GCNT2: variants seen among roughly 807,000 people sequenced by gnomAD.
GCNT2 encodes N-acetyllactosaminide beta-1,6-N-acetylglucosaminyl-transferase.
In GCNT2, 34 loss-of-function variants were observed where a neutral mutation model predicts 34.2. The ratio of observed to expected loss-of-function variants is 1.00; its 90% CI spans 0.76 to 1.32. The LOEUF (loss-of-function observed/expected upper bound fraction) is 1.32. Ranked by LOEUF, GCNT2 falls within the 40% of genes most tolerant of loss-of-function variation. The pLI, the probability that GCNT2 is intolerant of heterozygous loss-of-function variation, is 0.00. For missense variants in GCNT2, 584 were observed against 489.4 expected, an observed-to-expected ratio of 1.19 and a Z score of -1.82; for synonymous variants, 212 against 188.0, an observed-to-expected ratio of 1.13 and a Z score of -1.04.
intron 3 of GCNT2, among the ~76,000 whole-genome samples, chr6:10,549,133 G>T (rs1429539104): frequency 6.6e-6 from 1 of 152,114 alleles, no homozygotes; most frequent in Admixed American, 6.6e-5. Context: ...AGAGGCCAGG[G>T]GTGCCCCTCA....
chr6:10,623,533 A>C (rs1415625781), intron 4 of GCNT2, among the ~76,000 whole-genome samples: 1 of 151,246 alleles, frequency 6.6e-6, no homozygotes, highest in Non-Finnish European at 1.5e-5. Flanking sequence ...CTTATGATCC[A>C]CCTGCGTCGG....
At chr6:10,602,772 G>C (rs1049342371) in intron 3 of GCNT2, among the ~76,000 whole-genome samples, 2 of 152,152 alleles carry the variant, frequency 1.3e-5, no homozygotes, top group Non-Finnish European at 2.9e-5. Flanking sequence ...GGTGCAGCCT[G>C]GTGCCTTGTT....
At chr6:10,626,123 C>T (rs1454764247) in intron 4 of GCNT2, among the ~76,000 whole-genome samples, 1 of 152,134 alleles carries the variant, frequency 6.6e-6, no homozygotes, top group Non-Finnish European at 1.5e-5. Flanking sequence ...ACACAATTTT[C>T]ATATTAATTT....
chr6:10,608,593 G>A (rs1217434546), intron 3 of GCNT2, among the ~76,000 whole-genome samples: 1 of 152,164 alleles, frequency 6.6e-6, no homozygotes, highest in Non-Finnish European at 1.5e-5. Context: ...TAGCCACTCA[G>A]GAGGGTGACA....
rs1367345064 is a variant in GCNT2 at position 10,549,578 on chromosome 6, T to C, written c.925+19742T>C. On this transcript the variant is annotated intron_variant, in intron 3 of 4. Coordinates refer to ENST00000495262, the MANE Select transcript of GCNT2 (RefSeq NM_145649.5). ...ATCTCTCTCTCTTTTTTTTTTTTTT[T>C]TTTTTTTTTTTGAGACAGGGTCTCG... 7.0e-5 allele frequency among the ~76,000 whole-genome samples: 10 copies of C among 142,924 alleles called. No individual in the cohort carries two copies. In the South Asian group the frequency reaches 1.2e-3, roughly 17 times the overall value. 93.8% of individuals were successfully genotyped at this position (142,924 alleles called of 152,430 possible).
intron 4 of GCNT2, among the ~76,000 whole-genome samples, chr6:10,624,097 C>T (rs1245600523): frequency 6.6e-6 from 1 of 152,188 alleles, no homozygotes; most frequent in African/African-American, 2.4e-5. Flanking sequence ...CATCTACCTT[C>T]AGCTAGGCCT....
At chr6:10,559,177 A>G (rs1463600935) in intron 3 of GCNT2, among the ~76,000 whole-genome samples, 1 of 152,110 alleles carries the variant, frequency 6.6e-6, no homozygotes. Context: ...ATGTCAAATA[A>G]TATAAGAAAA....
chr6:10,547,620 C>T (rs758937159), intron 3 of GCNT2, among the ~76,000 whole-genome samples: 8 of 152,148 alleles, frequency 5.3e-5, no homozygotes, highest in Non-Finnish European at 4.4e-5. Context: ...CAGTGAAAAG[C>T]TAGGAAGTGT....
intron 3 of GCNT2, among the ~76,000 whole-genome samples, chr6:10,534,141 C>CTT (rs1224219034): frequency 0.014 from 1,662 of 120,278 alleles, 58 homozygotes; most frequent in African/African-American, 0.045. Context: ...CCATGCTGCT[C>CTT]TTTTTTTTTT....
At position 10,627,051 on chromosome 6, in the gene GCNT2, T is replaced by C. The variant is rs1229197144; in HGVS notation, c.*444T>C. On this transcript the variant is annotated 3_prime_UTR_variant, in exon 5 of 5. Transcript: ENST00000495262. ...TCACCACTGTGCTCAACCAGACAGA[T>C]AGTGAAACAGCTTTCTGGGTAATTC... The C allele has an allele frequency of 6.0e-6, 1 of 165,922 alleles. No homozygotes were observed. The allele number at this position is 165,922 out of a possible 1,614,324, so 10.3% of individuals were successfully genotyped here.
chr6:10,534,139 C>CTTTTTTTTTTTTTTTTTTTTTTTTTTTT lies in GCNT2; in HGVS notation c.925+4304_925+4305insTTTTTTTTTTTTTTTTTTTTTTTTTTTT. On this transcript the variant is annotated intron_variant, in intron 3 of 4. Transcript: ENST00000495262. ...CTGGTATCTGCCAGATTCCATGCTGCTCTTTTTTTTTTTTTTTTTTAAGAT... is the reference window on the plus strand; with the variant it reads ...CTGGTATCTGCCAGATTCCATGCTGCTTTTTTTTTTTTTTTTTTTTTTTTTTTTTCTTTTTTTTTTTTTTTTTTAAGAT... 2.6e-3 allele frequency among the ~76,000 whole-genome samples: 326 copies of CTTTTTTTTTTTTTTTTTTTTTTTTTTTT among 123,180 alleles called. 83 individuals are homozygous for CTTTTTTTTTTTTTTTTTTTTTTTTTTTT. Among genetic ancestry groups the CTTTTTTTTTTTTTTTTTTTTTTTTTTTT allele is most frequent in the Middle Eastern group, 9.5e-3 (2 of 210 alleles). 80.8% of individuals were successfully genotyped at this position (123,180 alleles called of 152,430 possible).
At chr6:10,605,180 C>A (rs569690423) in intron 3 of GCNT2, among the ~76,000 whole-genome samples, 54 of 149,836 alleles carry the variant, frequency 3.6e-4, no homozygotes, top group Middle Eastern at 6.8e-3. Context: ...TGTTCTCAAC[C>A]TTAACCACAT....
intron 3 of GCNT2, among the ~76,000 whole-genome samples, chr6:10,565,999 G>C (rs567660822): frequency 6.6e-6 from 1 of 152,120 alleles, no homozygotes; most frequent in African/African-American, 2.4e-5. Flanking sequence ...ACCAAACACA[G>C]AGAGCTCCTC....
Position 10,529,700 on chromosome 6 carries a change from CACGGCCT to C in GCNT2, c.793_799del (p.Ala265TrpfsTer36). 6.2e-7 allele frequency: 1 copy of C among 1,614,080 alleles called. No individual in the cohort carries two copies. Among genetic ancestry groups the C allele is most frequent in the South Asian group, 1.1e-5 (1 of 91,070 alleles). ...CTCATGACATGGTGATTTACTTTGG[CACGGCCT>C]ACGTGGCTCTCACAAGGGACTTTGC... On this transcript the variant is annotated frameshift_variant, in exon 3 of 5. Transcript: ENST00000495262. LOFTEE classifies it high-confidence loss of function.
intron 3 of GCNT2, among the ~76,000 whole-genome samples, chr6:10,617,366 G>A (rs1765823534): frequency 6.6e-6 from 1 of 152,316 alleles, no homozygotes; most frequent in East Asian, 1.9e-4. Flanking sequence ...GGCAAGCGCT[G>A]CGCGCAGCCC....
chr6:10,615,863 G>C (rs998489834), intron 3 of GCNT2, among the ~76,000 whole-genome samples: 8 of 152,334 alleles, frequency 5.3e-5, no homozygotes, highest in African/African-American at 1.9e-4. Context: ...GACGACCAGA[G>C]ATTGCTCTCA....
At chr6:10,578,199 T>G (rs1478181281) in intron 3 of GCNT2, among the ~76,000 whole-genome samples, 1 of 151,790 alleles carries the variant, frequency 6.6e-6, no homozygotes, top group African/African-American at 2.4e-5. Flanking sequence ...GAGACCAGCC[T>G]AGCCAACGTA....
chr6:10,544,196 C>T (rs191880095), intron 3 of GCNT2, among the ~76,000 whole-genome samples: 124 of 152,240 alleles, frequency 8.1e-4, no homozygotes, highest in Admixed American at 1.6e-3. Context: ...CGCCTGTAAT[C>T]CCAGCTACTT....
At chr6:10,557,335 G>T in intron 3 of GCNT2, 1 of 1,611,664 alleles carries the variant, frequency 6.2e-7, no homozygotes, top group Non-Finnish European at 8.5e-7. Context: ...CACTCAATAG[G>T]ATTCCAGGTA....
Sources: allele counts gnomAD v4.1 joint callset (sites outside exome capture counted in the v4.1 genomes callset), GRCh38; gene constraint gnomAD v4.1.1; transcripts MANE v1.5; gene names NCBI Gene and HGNC (gene_info 2026-07-23, HGNC 2026-07-21).